The following TMPRSS15 variants were observed in gnomAD, a reference collection of about 807,000 sequenced individuals.
TMPRSS15 encodes enteropeptidase.
TMPRSS15 carries 128 observed loss-of-function variants against 125.3 expected under a neutral mutation model. The observed-to-expected ratio is 1.02, with a 90% CI of 0.89 to 1.18. The LOEUF (loss-of-function observed/expected upper bound fraction) is 1.18, where lower values mean the gene tolerates loss of function less well. Among genes scored for constraint, TMPRSS15 ranks in the 50% most tolerant of loss-of-function variants. The pLI, the probability that TMPRSS15 is intolerant of heterozygous loss-of-function variation, is 0.00. For missense variants in TMPRSS15, 1,283 were observed against 1,212.7 expected, an observed-to-expected ratio of 1.06 and a Z score of -0.86; for synonymous variants, 446 against 423.2, an observed-to-expected ratio of 1.05 and a Z score of -0.66.
intron 16 of TMPRSS15, among the ~76,000 whole-genome samples, chr21:18,317,395 G>T (rs2146945544): frequency 7.0e-6 from 1 of 142,858 alleles, no homozygotes; most frequent in African/African-American, 2.5e-5. Context: ...GGGCATTAGA[G>T]TATTTTTCTA....
chr21:18,318,575 A>AGCTTCTT (rs2075199145), intron 16 of TMPRSS15, among the ~76,000 whole-genome samples: 1 of 152,228 alleles, frequency 6.6e-6, no homozygotes, highest in African/African-American at 2.4e-5. Context: ...GGATAAAAGA[A>AGCTTCTT]GCTTTGAATT....
At chr21:18,481,263 A>G (rs747959214) in intron 1 of TMPRSS15, among the ~76,000 whole-genome samples, 2 of 151,754 alleles carry the variant, frequency 1.3e-5, no homozygotes, top group Admixed American at 6.6e-5. Flanking sequence ...GCTTCTATTG[A>G]CTTACTTGCA....
intron 21 of TMPRSS15, among the ~76,000 whole-genome samples, chr21:18,287,957 A>G (rs2074785526): frequency 1.3e-5 from 2 of 152,186 alleles, no homozygotes. Context: ...TAGAGCTACC[A>G]TTTGATCTAG....
chr21:18,366,635 T>G (rs995220855), intron 6 of TMPRSS15, among the ~76,000 whole-genome samples: 1 of 152,184 alleles, frequency 6.6e-6, no homozygotes, highest in South Asian at 2.1e-4. Flanking sequence ...TTCACAACTT[T>G]TAGTCTTTCT....
intron 23 of TMPRSS15, 145 bp from the exon 24 acceptor site, chr21:18,275,481 T>G (rs992267144): frequency 6.0e-6 from 6 of 1,006,006 alleles, no homozygotes; most frequent in Non-Finnish European, 9.0e-6. Context: ...TACTAAACCT[T>G]GCACACTAAA....
chr21:18,429,622 T>C (rs2076212112), intron 1 of TMPRSS15, among the ~76,000 whole-genome samples: 1 of 152,208 alleles, frequency 6.6e-6, no homozygotes, highest in Non-Finnish European at 1.5e-5. Context: ...TGCTGCCACG[T>C]AGGAAGTGCC....
intron 16 of TMPRSS15, among the ~76,000 whole-genome samples, chr21:18,321,993 C>G (rs1440104288): frequency 6.6e-6 from 1 of 152,158 alleles, no homozygotes; most frequent in Non-Finnish European, 1.5e-5. Context: ...TTAAAAATAA[C>G]TTCATACATT....
intron 4 of TMPRSS15, among the ~76,000 whole-genome samples, chr21:18,382,032 G>GA (rs1041661168): frequency 6.6e-6 from 1 of 151,912 alleles, no homozygotes; most frequent in Non-Finnish European, 1.5e-5. Context: ...AAATGACTAT[G>GA]AAAAAAATCA....
chr21:18,305,769 G>C (rs951499279), intron 18 of TMPRSS15, among the ~76,000 whole-genome samples: 6 of 152,130 alleles, frequency 3.9e-5, no homozygotes, highest in Non-Finnish European at 8.8e-5. Context: ...AACCTATTAA[G>C]TATTAATGTT....
At chr21:18,304,726 C>A (rs1039703611) in intron 18 of TMPRSS15, among the ~76,000 whole-genome samples, 1 of 151,956 alleles carries the variant, frequency 6.6e-6, no homozygotes, top group African/African-American at 2.4e-5. Context: ...GTCATTAGAG[C>A]CACCAGTGTA....
intron 1 of TMPRSS15, among the ~76,000 whole-genome samples, chr21:18,463,272 A>AT (rs1978588334): frequency 7.0e-6 from 1 of 143,600 alleles, no homozygotes; most frequent in Non-Finnish European, 1.5e-5. Flanking sequence ...AAAAAAAAAA[A>AT]AAAAAGCCGG....
At chr21:18,380,957 G>A (rs2075887792) in intron 4 of TMPRSS15, among the ~76,000 whole-genome samples, 1 of 152,068 alleles carries the variant, frequency 6.6e-6, no homozygotes, top group African/African-American at 2.4e-5. Flanking sequence ...ACATATGAAG[G>A]TAACAATTGC....
chr21:18,269,477 T>TTGA lies in TMPRSS15; in HGVS notation c.*489_*491dup, dbSNP rs2074527852. 1.3e-5 allele frequency: 2 copies of TTGA among 157,176 alleles called. No individual in the cohort carries two copies. Among genetic ancestry groups the TTGA allele is most frequent in the Admixed American group, 1.3e-4 (2 of 15,748 alleles). 9.7% of individuals were successfully genotyped at this position (157,176 alleles called of 1,614,324 possible). A position where few individuals can be genotyped will look rare whatever the true frequency, so the allele number is the denominator to read the frequency against. ...TAAGGTTATGCATATGTTGAAAATT[T>TTGA]TGATAGAAAAGACAGAGAAACAATT... On this transcript the variant is annotated 3_prime_UTR_variant, in exon 25 of 25. Transcript: ENST00000284885.
chr21:18,399,904 A>T (rs1405858480), intron 1 of TMPRSS15, among the ~76,000 whole-genome samples: 1 of 152,138 alleles, frequency 6.6e-6, no homozygotes, highest in East Asian at 1.9e-4. Context: ...AAATAAATGT[A>T]CAATGTCAGT....
chr21:18,312,897 A>T (rs2075116087), intron 18 of TMPRSS15, 48 bp downstream of exon 18: 3 of 1,607,788 alleles, frequency 1.9e-6, no homozygotes, highest in Middle Eastern at 1.6e-4. Flanking sequence ...TGATAGTAAT[A>T]AAAAGGTTTG....
chr21:18,447,369 G>A (rs1416043550), intron 1 of TMPRSS15, among the ~76,000 whole-genome samples: 1 of 145,574 alleles, frequency 6.9e-6, no homozygotes, highest in Non-Finnish European at 1.5e-5. Flanking sequence ...GAACCCGGGA[G>A]GCAGAGGTAG....
chr21:18,387,967 A>G (rs974400), intron 3 of TMPRSS15, among the ~76,000 whole-genome samples: 92,193 of 151,912 alleles, frequency 0.61, 28,206 homozygotes, highest in East Asian at 0.9. Context: ...ACTGTTTCCT[A>G]TGAGTGGAAT....
chr21:18,419,554 C>T (rs551254053), intron 1 of TMPRSS15, among the ~76,000 whole-genome samples: 6 of 152,084 alleles, frequency 3.9e-5, no homozygotes, highest in African/African-American at 1.4e-4. Flanking sequence ...AAAACTCTAA[C>T]CTTCTCTTTC....
chr21:18,282,709 T>C (rs966697448), intron 21 of TMPRSS15, among the ~76,000 whole-genome samples: 1 of 152,166 alleles, frequency 6.6e-6, no homozygotes, highest in East Asian at 1.9e-4. Flanking sequence ...CGAGAACTTT[T>C]GTATCTCTTC....
Sources: gnomAD v4.1 joint callset for allele counts (sites outside exome capture counted in the v4.1 genomes callset) on GRCh38, gnomAD v4.1.1 for gene constraint, MANE v1.5 for transcripts, NCBI Gene and HGNC (gene_info 2026-07-23, HGNC 2026-07-21) for gene names.